The following FAT2 variants were observed in gnomAD, a reference collection of about 807,000 sequenced individuals.
FAT2 encodes protocadherin Fat 2.
Under a neutral mutation model 295.3 loss-of-function variants are expected in FAT2, and 150 were observed. The observed-to-expected ratio is 0.51, with a 90% CI of 0.44 to 0.58. The LOEUF is 0.58. FAT2 is among the 20% of genes least tolerant of loss of function. The pLI, the probability that FAT2 is intolerant of heterozygous loss-of-function variation, is 0.00. For missense variants in FAT2, 4,868 were observed against 5,442.7 expected (o/e 0.89, Z 3.32); for synonymous variants, 2,026 against 2,150.3 (o/e 0.94, Z 1.60).
In FAT2 at chr5:151,542,527, G is replaced by C. The variant is rs2127605562; in HGVS notation, c.8600C>G (p.Thr2867Ser). Residue 2867 changes from threonine (T) to serine (S), a missense_variant, in exon 10 of 24, where the codon ACC becomes AGC. Transcript: ENST00000261800. ...CACATGAAAATGATAAGTCTGGCAGGTCTCACAGTCAAGTTCCTGGAGTGT... is the reference window on the plus strand; with the variant it reads ...CACATGAAAATGATAAGTCTGGCAGCTCTCACAGTCAAGTTCCTGGAGTGT... ...ITTLQELDCE[T>S]CQTYHFHVVA... The C allele has an allele frequency of 6.2e-7, 1 of 1,614,136 alleles. No homozygotes were observed. The highest frequency in any genetic ancestry group is 1.1e-5 in the South Asian group (1 of 91,082).
chr5:151,513,143 A>G (rs931451692), intron 20 of FAT2, among the ~76,000 whole-genome samples: 13 of 152,244 alleles, frequency 8.5e-5, no homozygotes, highest in Admixed American at 1.3e-4. Flanking sequence ...TGTTGTCACA[A>G]CTGATGAATG....
chr5:151,567,071 G>A lies in FAT2; in HGVS notation c.1861C>T (p.Leu621Phe), dbSNP rs986159353. The change falls in exon 2 of 24, where the codon CTC becomes TTC. Residue 621 changes from leucine (L) to phenylalanine (F), a missense_variant. Leu to Phe is a conservative substitution (Grantham distance 22). Around this residue, in one of 5 missense-constraint regions of FAT2, gnomAD observed 3,297 missense variants for 3,669.4 expected, o/e 0.90. Coordinates refer to ENST00000261800, the MANE Select transcript of FAT2 (RefSeq NM_001447.3). Reference sequence around the variant, plus strand: ...GTAAGATTGATAAAAGGGCGTTTGAGGGATATCACTCCGGAGAAATGATTT... The same window carrying A: ...GTAAGATTGATAAAAGGGCGTTTGAAGGATATCACTCCGGAGAAATGATTT... The part of the protein sequence containing the change: ...DLNHFSGVIS[L>F]KRPFINLTAG... 6.2e-7 allele frequency: 1 copy of A among 1,614,082 alleles called. No individual in the cohort carries two copies. The highest frequency in any genetic ancestry group is 8.5e-7 in the Non-Finnish European group (1 of 1,179,952).
At position 151,512,190 on chromosome 5, in the gene FAT2, C is replaced by G. The variant is rs765098267; in HGVS notation, c.11880G>C (p.Gly3960=). 1.9e-6 allele frequency: 3 copies of G among 1,613,922 alleles called. No individual in the cohort carries two copies. The African/African-American group carries it at 4.0e-5, about 22-fold the overall frequency. Residue 3960 remains glycine (G), a synonymous_variant, in exon 21 of 24, where the codon GGG becomes GGC. Transcript: ENST00000261800. The surrounding 1 kb of genome is among the most constrained non-coding windows in gnomAD (Gnocchi z 4.1). The part of the protein sequence containing the change: ...YCSQNTCLNG[G]KCSWTHGAGY... ...CTGCCCCATGGGTCCATGAGCACTT[C>G]CCACCATTGAGGCATGTGTTCTGGC...
intron 14 of FAT2, 24 bp from the exon 15 acceptor site, chr5:151,529,416 A>T: frequency 6.2e-7 from 1 of 1,608,582 alleles, no homozygotes; most frequent in South Asian, 1.1e-5. Flanking sequence ...AGGTGACAGC[A>T]GCAATGAGGC....
rs1211458564 is a variant in FAT2 at position 151,521,435 on chromosome 5, A to C, written c.11158T>G (p.Ser3720Ala). 5.0e-6 allele frequency: 8 copies of C among 1,614,088 alleles called. No homozygotes were observed. Among genetic ancestry groups the C allele is most frequent in the Non-Finnish European group, 6.8e-6 (8 of 1,180,050 alleles). The stretch of plus-strand genomic sequence containing the variant: ...TGGCAGGGCACCATGGGCATAGCTG[A>C]CCGCATCTGAACCCCCACTGAATGC... ...MEHSVGVQMR[S>A]AMPMVPCQGP... The change falls in exon 19 of 24, where the codon TCA (serine) becomes GCA (alanine). Residue 3720 changes from serine (S) to alanine (A), a missense_variant. This residue lies in a region of FAT2 where 1,046 missense variants were observed against 1,210.1 expected (regional missense o/e 0.86). Transcript: ENST00000261800.
At chr5:151,507,955 A>G (rs1761027625) in intron 22 of FAT2, among the ~76,000 whole-genome samples, 1 of 152,210 alleles carries the variant, frequency 6.6e-6, no homozygotes. Context: ...CAATGATGTC[A>G]GGGTTCCAGA....
rs993306008 is a variant in FAT2 at position 151,507,141 on chromosome 5, T to G, written c.12517+13A>C. On this transcript the variant is annotated intron_variant, in intron 23 of 23. Transcript: ENST00000261800. The stretch of plus-strand genomic sequence containing the variant: ...ATCAATCCCAGAGGCTAAGCGTCTC[T>G]GGCTATACTGACCCATCTCCTCGCT... 4 of 1,550,928 alleles carry G rather than the reference T, an allele frequency of 2.6e-6. No homozygotes were observed. The Admixed American group carries it at 7.6e-5, about 30-fold the overall frequency.
Position 151,544,595 on chromosome 5 carries a change from C to T in FAT2, c.6532G>A (p.Val2178Ile), listed in dbSNP as rs765115591. Residue 2178 changes from valine (V) to isoleucine (I), a missense_variant, in exon 10 of 24, where the codon GTC becomes ATC. Coordinates refer to ENST00000261800, the MANE Select transcript of FAT2 (RefSeq NM_001447.3). The part of the protein sequence containing the change: ...NPLFQSPYYK[V>I]RVPENITLYT... ...AGGGTGATATTTTCAGGTACTCTGACTTTGTAATAAGGACTCTGAAACAGT... is the reference window on the plus strand; with the variant it reads ...AGGGTGATATTTTCAGGTACTCTGATTTTGTAATAAGGACTCTGAAACAGT... The T allele has an allele frequency of 6.2e-7, 1 of 1,614,104 alleles. No homozygotes were observed. Among genetic ancestry groups the T allele is most frequent in the Admixed American group, 1.7e-5 (1 of 60,010 alleles).
chr5:151,552,238 A>G (rs1318584690), intron 6 of FAT2, among the ~76,000 whole-genome samples: 1 of 152,120 alleles, frequency 6.6e-6, no homozygotes, highest in Non-Finnish European at 1.5e-5. Context: ...CTCCTACTTC[A>G]GCCTCTCAAG....
At chr5:151,555,367 C>CTTTTT (rs912481589) in intron 4 of FAT2, among the ~76,000 whole-genome samples, 15 of 123,108 alleles carry the variant, frequency 1.2e-4, no homozygotes, top group South Asian at 2.6e-4. Context: ...TAATATATTT[C>CTTTTT]TTTTTTTTTT....
chr5:151,551,942 A>C (rs1757249909), intron 6 of FAT2, among the ~76,000 whole-genome samples: 2 of 152,022 alleles, frequency 1.3e-5, no homozygotes, highest in South Asian at 4.2e-4. Context: ...ACATTTAAAA[A>C]TATTATAAAA....
At chr5:151,533,437 C>G (rs548728855) in intron 13 of FAT2, among the ~76,000 whole-genome samples, 1,890 of 150,612 alleles carry the variant, frequency 0.013, 52 homozygotes, top group African/African-American at 0.045. Context: ...CACACACACA[C>G]GCTTTCCAGG....
At chr5:151,572,871 G>A (rs1290169777) in intron 1 of FAT2, among the ~76,000 whole-genome samples, 5 of 152,214 alleles carry the variant, frequency 3.3e-5, no homozygotes, top group Non-Finnish European at 7.4e-5. Flanking sequence ...AGACTGTTCC[G>A]GGAAGCTGCG....
Position 151,521,850 on chromosome 5 carries a change from AC to A in FAT2, c.10742del (p.Gly3581ValfsTer64), listed in dbSNP as rs1753495412. ...CGGCGATAATCTTGCCATCAGGCGCACCCACTGAGAAGTGCCTGCCCAGGGT... is the reference window on the plus strand; with the variant it reads ...CGGCGATAATCTTGCCATCAGGCGCACCACTGAGAAGTGCCTGCCCAGGGT... Reference protein sequence around the residue: ...EETLGRHFSVGAPDGKIIAAQ... With the variant: ...EETLGRHFSVXAPDGKIIAAQ... On this transcript the variant is annotated frameshift_variant, in exon 19 of 24. Transcript: ENST00000261800. LOFTEE classifies it high-confidence loss of function. The A allele has an allele frequency of 4.3e-6, 7 of 1,614,056 alleles. No individual in the cohort carries two copies. The highest frequency in any genetic ancestry group is 5.9e-6 in the Non-Finnish European group (7 of 1,180,030).
At chr5:151,556,202 A>T in intron 4 of FAT2, 142 bp downstream of exon 4, 1 of 700,756 alleles carries the variant, frequency 1.4e-6, no homozygotes, top group South Asian at 1.6e-5. Context: ...AGATCCAAGG[A>T]TCATCCAGCA....
rs2127607177 is a variant in FAT2 at position 151,543,252 on chromosome 5, G to A, written c.7875C>T (p.Asn2625=). Residue 2625 remains asparagine, a synonymous_variant, in exon 10 of 24, where the codon AAC becomes AAT. Coordinates refer to ENST00000261800, the MANE Select transcript of FAT2 (RefSeq NM_001447.3). ...GQNADVTYSV[N]PEDLVKDVIE... ...TGACATCTTTAACTAGGTCCTCTGG[G>A]TTCACTGAGTAGGTGACATCTGCGT... 1 of 1,614,144 alleles carries A rather than the reference G, an allele frequency of 6.2e-7. No individual in the cohort carries two copies. Among genetic ancestry groups the A allele is most frequent in the East Asian group, 2.2e-5 (1 of 44,882 alleles).
At chr5:151,526,556 G>T (rs1008018588) in intron 17 of FAT2, among the ~76,000 whole-genome samples, 1 of 152,224 alleles carries the variant, frequency 6.6e-6, no homozygotes, top group Non-Finnish European at 1.5e-5. Context: ...CTAATGGGCA[G>T]AAACTGATCG....
chr5:151,532,053 G>C, intron 13 of FAT2, 83 bp from the exon 14 acceptor site: 1 of 1,527,422 alleles, frequency 6.5e-7, no homozygotes, highest in Non-Finnish European at 8.9e-7. Flanking sequence ...GCCACAGGAG[G>C]GGCTGGGGAG....
intron 1 of FAT2, among the ~76,000 whole-genome samples, chr5:151,589,327 C>T (rs1759309055): frequency 6.6e-6 from 1 of 152,212 alleles, no homozygotes; most frequent in African/African-American, 2.4e-5. Flanking sequence ...CAGTGCCACA[C>T]AGCCTGTCAT....
Sources: allele counts gnomAD v4.1 joint callset (sites outside exome capture counted in the v4.1 genomes callset), GRCh38; gene constraint gnomAD v4.1.1; regional missense constraint gnomAD v4.1.1; non-coding constraint Gnocchi (gnomAD v3.1); transcripts MANE v1.5; gene names NCBI Gene and HGNC (gene_info 2026-07-23, HGNC 2026-07-21).